Variants in EXO5 observed in about 807,000 individuals in gnomAD.
EXO5 encodes exonuclease 5, also known as exonuclease V.
EXO5 carries 11 observed loss-of-function variants against 17.8 expected under a neutral mutation model. The observed-to-expected ratio is 0.62, with a 90% CI of 0.39 to 1.02. The LOEUF (loss-of-function observed/expected upper bound fraction) is 1.02. EXO5 is among the 50% of genes least tolerant of loss of function. The pLI, the probability that EXO5 is intolerant of heterozygous loss-of-function variation, is 0.00. For missense variants in EXO5, 364 were observed against 434.8 expected, an observed-to-expected ratio of 0.84 and a Z score of 1.45; for synonymous variants, 147 against 166.5, an observed-to-expected ratio of 0.88 and a Z score of 0.90.
At position 40,512,048 on chromosome 1, in the gene EXO5, T is replaced by C. The variant is rs578190413; in HGVS notation, c.-31+2258T>C. ...CACCCACCACCAAGCCCGGCTAATT[T>C]TTTGTACTTTTAGTAGAGACAGGTT... On this transcript the variant is annotated intron_variant, in intron 3 of 3. Transcript: ENST00000415550. Among the ~76,000 whole-genome samples the C allele has an allele frequency of 7.2e-5, 11 of 152,200 alleles. 1 individual carries two copies. The South Asian group carries it at 2.3e-3, about 32-fold the overall frequency.
chr1:40,513,728 A>C (rs1377640077), intron 3 of EXO5, among the ~76,000 whole-genome samples: 1 of 151,716 alleles, frequency 6.6e-6, no homozygotes, highest in African/African-American at 2.4e-5. Flanking sequence ...AGCTGGGAAT[A>C]CAGGTGTGTG....
intron 3 of EXO5, among the ~76,000 whole-genome samples, chr1:40,510,603 C>A (rs1645756148): frequency 6.6e-6 from 1 of 152,196 alleles, no homozygotes; most frequent in Admixed American, 6.5e-5. Context: ...CAGGAGCTTC[C>A]TCTCTCTTTG....
chr1:40,510,541 A>G (rs1181249712), intron 3 of EXO5, among the ~76,000 whole-genome samples: 1 of 152,218 alleles, frequency 6.6e-6, no homozygotes, highest in Non-Finnish European at 1.5e-5. Flanking sequence ...CCCTGTTTAG[A>G]ACTACCTGTT....
rs72672438 is a variant in EXO5 at position 40,513,378 on chromosome 1, G to A, written c.-30-1137G>A. On this transcript the variant is annotated intron_variant, in intron 3 of 3. Coordinates refer to ENST00000415550, the MANE Select transcript of EXO5 (RefSeq NM_001346953.2). ...TGCATTTAAAAACAGTTATTGCAGA[G>A]CTCCTTTTTCTCAAGGAACAGTTTG... Among the ~76,000 whole-genome samples, 51 of 152,202 alleles carry A rather than the reference G, an allele frequency of 3.4e-4. 1 individual carries two copies. The highest frequency in any genetic ancestry group is 3.4e-3 in the Middle Eastern group (1 of 294).
Position 40,509,762 on chromosome 1 carries a change from T to C in EXO5, c.-59T>C, listed in dbSNP as rs1302759851. On this transcript the variant is annotated 5_prime_UTR_variant, in exon 3 of 4. Transcript: ENST00000415550. ...GTCATTTCAGCATTCTGGCCTTCCC[T>C]ATGAGGAGGAAGATCAACGAAGTCA... 1 of 152,202 alleles carries C rather than the reference T, an allele frequency of 6.6e-6. No homozygotes were observed. The highest frequency in any genetic ancestry group is 1.5e-5 in the Non-Finnish European group (1 of 68,048). The allele number at this position is 152,202 out of a possible 1,614,324, so 9.4% of individuals were successfully genotyped here.
chr1:40,512,319 A>G (rs963078851), intron 3 of EXO5, among the ~76,000 whole-genome samples: 10 of 152,252 alleles, frequency 6.6e-5, no homozygotes, highest in East Asian at 1.9e-4. Context: ...TGGAATGTTA[A>G]GGAATTACTA....
At position 40,515,195 on chromosome 1, in the gene EXO5, A is replaced by G. The variant is rs758132503; in HGVS notation, c.651A>G (p.Gln217=). The G allele has an allele frequency of 1.2e-6, 2 of 1,614,028 alleles. No homozygotes were observed. The highest frequency in any genetic ancestry group is 1.7e-6 in the Non-Finnish European group (2 of 1,180,028). The change falls in exon 4 of 4, where the codon CAA becomes CAG. Residue 217 remains glutamine, a synonymous_variant. Coordinates refer to ENST00000415550, the MANE Select transcript of EXO5 (RefSeq NM_001346953.2). ...LEAQKKKDCF[Q]VSLYKYIFDA... ...CTCAGAAGAAGAAAGACTGTTTTCA[A>G]GTCAGCCTATACAAATATATCTTTG...
Position 40,514,653 on chromosome 1 carries a change from T to G in EXO5, c.109T>G (p.Ser37Ala), listed in dbSNP as rs1268794464. Residue 37 changes from serine (S) to alanine (A), a missense_variant, in exon 4 of 4, where the codon TCA becomes GCA. Coordinates refer to ENST00000415550, the MANE Select transcript of EXO5 (RefSeq NM_001346953.2). Reference sequence around the variant, plus strand: ...TCTGGACCTAGAAGATGCCCAAGAGTCAAAGGCTTTAGTTAACATGCCTGG... The same window carrying G: ...TCTGGACCTAGAAGATGCCCAAGAGGCAAAGGCTTTAGTTAACATGCCTGG... ...EFLDLEDAQE[S>A]KALVNMPGPS... 6.2e-7 allele frequency: 1 copy of G among 1,613,982 alleles called. No homozygotes were observed. Among genetic ancestry groups the G allele is most frequent in the South Asian group, 1.1e-5 (1 of 91,072 alleles).
At chr1:40,514,350 T>C (rs1645838257) in intron 3 of EXO5, 165 bp from the exon 4 acceptor site, 1 of 565,320 alleles carries the variant, frequency 1.8e-6, no homozygotes, top group Non-Finnish European at 3.1e-6. Flanking sequence ...AATACATACC[T>C]GGACTATAAC....
chr1:40,512,530 C>T (rs988177393), intron 3 of EXO5, among the ~76,000 whole-genome samples: 2 of 152,132 alleles, frequency 1.3e-5, no homozygotes, highest in Non-Finnish European at 2.9e-5. Flanking sequence ...AAAATGTCAA[C>T]AGTTGTTCAT....
chr1:40,515,584 C>A lies in EXO5; in HGVS notation c.1040C>A (p.Thr347Asn), dbSNP rs199871553. 342 of 1,612,190 alleles carry A rather than the reference C, an allele frequency of 2.1e-4. 1 individual carries two copies. The highest frequency in any genetic ancestry group is 1.5e-4 in the Non-Finnish European group (175 of 1,179,834). ...GAGGCTTGGAAGTGCCGGACGTGTA[C>A]CTATGCAGACATTTGTGAGTGGAGA... ...VEEAWKCRTC[T>N]YADICEWRKG... The change falls in exon 4 of 4, where the codon ACC becomes AAC. Residue 347 changes from threonine to asparagine, a missense_variant. Thr to Asn is a moderately conservative substitution (Grantham distance 65). Coordinates refer to ENST00000415550, the MANE Select transcript of EXO5 (RefSeq NM_001346953.2).
Position 40,515,692 on chromosome 1 carries a change from TG to T in EXO5, c.*27del. 1 of 1,591,180 alleles carries T rather than the reference TG, an allele frequency of 6.3e-7. No homozygotes were observed. The highest frequency in any genetic ancestry group is 8.6e-7 in the Non-Finnish European group (1 of 1,169,026). On this transcript the variant is annotated 3_prime_UTR_variant, in exon 4 of 4. Transcript: ENST00000415550. ...ATAGAAGGTATGCTTTCAAGAATGT[TG>T]ATCCTTCCTGCTCCTGTTGTACCTA...
At chr1:40,512,633 ACT>A (rs1645799871) in intron 3 of EXO5, among the ~76,000 whole-genome samples, 1 of 151,870 alleles carries the variant, frequency 6.6e-6, no homozygotes, top group African/African-American at 2.4e-5. Flanking sequence ...TGGAGTCTTC[ACT>A]CTGTCACCCA....
At chr1:40,512,012 C>T (rs142340955) in intron 3 of EXO5, among the ~76,000 whole-genome samples, 4 of 151,862 alleles carry the variant, frequency 2.6e-5, no homozygotes, top group African/African-American at 4.8e-5. Flanking sequence ...CCAAGTAGCT[C>T]GGACTACAGG....
chr1:40,514,791 G>A lies in EXO5; in HGVS notation c.247G>A (p.Val83Ile). 1 of 1,614,170 alleles carries A rather than the reference G, an allele frequency of 6.2e-7. No individual in the cohort carries two copies. The highest frequency in any genetic ancestry group is 8.5e-7 in the Non-Finnish European group (1 of 1,180,036). Residue 83 changes from valine (V) to isoleucine (I), a missense_variant, in exon 4 of 4, where the codon GTC (valine) becomes ATC (isoleucine). By Grantham distance (29) the Val-to-Ile change is conservative (BLOSUM62 3). Transcript: ENST00000415550. ...MERFHLKYLY[V>I]TDLATQNWCE... ...GAGATTCCACCTTAAATATTTATAT[G>A]TCACTGACCTGGCTACTCAGAACTG...
rs1245220668 is a variant in EXO5, at chr1:40,515,187, T to C, written c.643T>C (p.Cys215Arg). The C allele has an allele frequency of 6.2e-7, 1 of 1,614,018 alleles. No homozygotes were observed. The highest frequency in any genetic ancestry group is 1.1e-5 in the South Asian group (1 of 91,074). ...LPLEAQKKKD[C>R]FQVSLYKYIF... The stretch of plus-strand genomic sequence containing the variant: ...TCTGGAAGCTCAGAAGAAGAAAGAC[T>C]GTTTTCAAGTCAGCCTATACAAATA... The change falls in exon 4 of 4, where the codon TGT becomes CGT. Residue 215 changes from cysteine to arginine, a missense_variant. By Grantham distance (180) the Cys-to-Arg change is radical. Coordinates refer to ENST00000415550, the MANE Select transcript of EXO5 (RefSeq NM_001346953.2).
chr1:40,508,939 G>A lies in EXO5; in HGVS notation c.-264+31G>A, dbSNP rs2124476454. 6.6e-6 allele frequency: 1 copy of A among 152,444 alleles called. No homozygotes were observed. The highest frequency in any genetic ancestry group is 1.9e-4 in the East Asian group (1 of 5,182). 9.4% of individuals were successfully genotyped at this position (152,444 alleles called of 1,614,324 possible). ...GGGAAGGCCGGAGAATGGGCTGGGA[G>A]GCTGCGTTTCGGAGCTTAGGGTTCT... On this transcript the variant is annotated intron_variant, in intron 1 of 3. Transcript: ENST00000415550. The surrounding 1 kb of genome is among the most constrained non-coding windows in gnomAD (Gnocchi z 4.2).
At position 40,515,067 on chromosome 1, in the gene EXO5, G is replaced by T. The variant is rs1645857856; in HGVS notation, c.523G>T (p.Val175Leu). The T allele has an allele frequency of 6.2e-7, 1 of 1,614,010 alleles. No individual in the cohort carries two copies. The highest frequency in any genetic ancestry group is 1.3e-5 in the African/African-American group (1 of 74,904). ...EFPVFGEGEG[V>L]LLVGVIDELH... ...TCCAGTGTTTGGGGAAGGGGAGGGT[G>T]TACTTCTTGTTGGAGTGATTGATGA... Residue 175 changes from valine to leucine, a missense_variant, in exon 4 of 4, where the codon GTA becomes TTA. Coordinates refer to ENST00000415550, the MANE Select transcript of EXO5 (RefSeq NM_001346953.2).
chr1:40,514,929 C>A lies in EXO5; in HGVS notation c.385C>A (p.His129Asn). Residue 129 changes from histidine (H) to asparagine (N), a missense_variant, in exon 4 of 4, where the codon CAT (histidine) becomes AAT (asparagine). Physicochemically the swap from His to Asn is moderately conservative, Grantham distance 68 (BLOSUM62 1). Transcript: ENST00000415550. ...ACACCTAGCTAGAGAACTAGAACTT[C>A]ATGATCTTGTGACTGTCCCAGTCAC... ...SIHLARELEL[H>N]DLVTVPVTTK... 6.2e-7 allele frequency: 1 copy of A among 1,614,164 alleles called. No homozygotes were observed. Among genetic ancestry groups the A allele is most frequent in the Non-Finnish European group, 8.5e-7 (1 of 1,180,018 alleles).
Sources: gnomAD v4.1 joint callset for allele counts (sites outside exome capture counted in the v4.1 genomes callset) on GRCh38, gnomAD v4.1.1 for gene constraint, Gnocchi (gnomAD v3.1) non-coding constraint, MANE v1.5 for transcripts, NCBI Gene and HGNC (gene_info 2026-07-23, HGNC 2026-07-21) for gene names.